The following ZNF407 variants were observed in gnomAD, a reference collection of about 807,000 sequenced individuals.
ZNF407 encodes zinc finger protein 407.
In ZNF407, 17 loss-of-function variants were observed where a neutral mutation model predicts 131.2. That is an observed-to-expected ratio of 0.13 (90% CI 0.09 to 0.19). The LOEUF is 0.19. ZNF407 is among the 10% of genes least tolerant of loss of function. The pLI, the probability that ZNF407 is intolerant of heterozygous loss-of-function variation, is 1.00. For synonymous variants in ZNF407, 1,156 were observed against 1,062.0 expected (o/e 1.09, Z -1.72); for missense variants, 2,681 against 2,830.6 (o/e 0.95, Z 1.20).
At position 74,634,222 on chromosome 18, in the gene ZNF407, A is replaced by C; in HGVS notation, c.3203A>C (p.Glu1068Ala). The change falls in exon 2 of 9, where the codon GAG becomes GCG. Residue 1068 changes from glutamate to alanine, a missense_variant. This residue lies in a region of ZNF407 where 1,789 missense variants were observed against 1,748.7 expected (regional missense o/e 1.02). Coordinates refer to ENST00000299687, the MANE Select transcript of ZNF407 (RefSeq NM_017757.3). ...RREMTRHAAT[E>A]KHKMKRQSYL... ...GAGATGACCAGGCATGCAGCAACAG[A>C]GAAGCACAAAATGAAAAGGCAGTCT... 6.2e-7 allele frequency: 1 copy of C among 1,614,060 alleles called. No individual in the cohort carries two copies. The highest frequency in any genetic ancestry group is 8.5e-7 in the Non-Finnish European group (1 of 1,179,898).
intron 4 of ZNF407, among the ~76,000 whole-genome samples, chr18:74,829,818 T>A (rs964628225): frequency 2.6e-5 from 4 of 152,124 alleles, no homozygotes; most frequent in Admixed American, 6.5e-5. Flanking sequence ...GAGCCTGTTT[T>A]TTTTTTTATT....
At chr18:74,833,775 G>C (rs962465012) in intron 4 of ZNF407, among the ~76,000 whole-genome samples, 3 of 152,210 alleles carry the variant, frequency 2.0e-5, no homozygotes, top group Non-Finnish European at 4.4e-5. Context: ...TGGTGGTGGA[G>C]ACAGAGCCGT....
intron 4 of ZNF407, among the ~76,000 whole-genome samples, chr18:74,801,885 A>G (rs907885367): frequency 1.6e-4 from 25 of 152,238 alleles, no homozygotes; most frequent in Non-Finnish European, 2.6e-4. Flanking sequence ...GTCCAAGTAC[A>G]TAGTTCCTTC....
Position 75,050,260 on chromosome 18 carries a change from A to G in ZNF407, c.5429-12890A>G, listed in dbSNP as rs1292394286. Among the ~76,000 whole-genome samples, 6 of 152,308 alleles carry G rather than the reference A, an allele frequency of 3.9e-5. No homozygotes were observed. In the South Asian group the frequency reaches 8.3e-4, roughly 21 times the overall value. On this transcript the variant is annotated intron_variant, in intron 8 of 8. Transcript: ENST00000299687. Reference sequence around the variant, plus strand: ...CTGTGTGTCAAGCACAATGCTAAGTATTGTACATAGGCTGTCTCATTTACT... The same window carrying G: ...CTGTGTGTCAAGCACAATGCTAAGTGTTGTACATAGGCTGTCTCATTTACT...
intron 8 of ZNF407, among the ~76,000 whole-genome samples, chr18:74,973,777 G>C (rs1972498713): frequency 6.6e-6 from 1 of 152,166 alleles, no homozygotes; most frequent in Admixed American, 6.5e-5. Flanking sequence ...AGGCGTCTCT[G>C]CTCCTGGTGG....
chr18:74,783,710 T>C (rs779427360), intron 4 of ZNF407, among the ~76,000 whole-genome samples: 4 of 152,212 alleles, frequency 2.6e-5, no homozygotes, highest in Non-Finnish European at 5.9e-5. Flanking sequence ...TTCTCAGATA[T>C]TGACACTGTT....
intron 4 of ZNF407, among the ~76,000 whole-genome samples, chr18:74,825,070 T>C (rs1236834629): frequency 6.6e-6 from 1 of 152,170 alleles, no homozygotes; most frequent in Non-Finnish European, 1.5e-5. Context: ...CACAAATCAA[T>C]AAATGTAATC....
At chr18:74,843,536 A>G (rs1414423835) in intron 4 of ZNF407, among the ~76,000 whole-genome samples, 9 of 152,240 alleles carry the variant, frequency 5.9e-5, no homozygotes, top group South Asian at 2.1e-4. Context: ...TAACAGCACA[A>G]TGAAAGAATT....
chr18:74,777,432 A>G (rs1258025593), intron 3 of ZNF407, among the ~76,000 whole-genome samples: 2 of 152,112 alleles, frequency 1.3e-5, no homozygotes, highest in Non-Finnish European at 2.9e-5. Context: ...TCTAGCATGG[A>G]TCTTGGCCTC....
chr18:74,954,643 G>A (rs1055822773), intron 8 of ZNF407, among the ~76,000 whole-genome samples: 1 of 151,902 alleles, frequency 6.6e-6, no homozygotes, highest in Non-Finnish European at 1.5e-5. Flanking sequence ...AGTTATATTG[G>A]ATTAGATGTC....
At chr18:74,626,556 C>T (rs1394757745) in intron 1 of ZNF407, among the ~76,000 whole-genome samples, 1 of 152,114 alleles carries the variant, frequency 6.6e-6, no homozygotes, top group African/African-American at 2.4e-5. Context: ...CACTACAGTT[C>T]CGTTCATTTG....
intron 4 of ZNF407, among the ~76,000 whole-genome samples, chr18:74,866,358 A>T (rs1167607976): frequency 2.6e-5 from 4 of 152,170 alleles, no homozygotes; most frequent in African/African-American, 9.7e-5. Flanking sequence ...CTTTCTAGCT[A>T]ATCTTACCTT....
chr18:74,905,009 A>G (rs1377934942), intron 7 of ZNF407, among the ~76,000 whole-genome samples: 1 of 152,178 alleles, frequency 6.6e-6, no homozygotes, highest in Non-Finnish European at 1.5e-5. Flanking sequence ...TGGGTTTTCA[A>G]CCTTTTCTAA....
intron 8 of ZNF407, among the ~76,000 whole-genome samples, chr18:75,051,979 T>C (rs1568312424): frequency 1.3e-5 from 2 of 152,202 alleles, no homozygotes; most frequent in Non-Finnish European, 2.9e-5. Context: ...ACTTAACTCA[T>C]GTCTGTCCTC....
chr18:75,026,548 T>C (rs1973173104), intron 8 of ZNF407, among the ~76,000 whole-genome samples: 1 of 152,232 alleles, frequency 6.6e-6, no homozygotes. Flanking sequence ...TAAACAATTC[T>C]GTAAATTTGG....
chr18:74,924,254 A>T (rs1435080432), intron 8 of ZNF407, among the ~76,000 whole-genome samples: 4 of 152,154 alleles, frequency 2.6e-5, no homozygotes. Flanking sequence ...CCCAATACTG[A>T]GACACAGTTG....
chr18:74,836,158 T>C (rs1306377844), intron 4 of ZNF407, among the ~76,000 whole-genome samples: 1 of 152,148 alleles, frequency 6.6e-6, no homozygotes, highest in Non-Finnish European at 1.5e-5. Context: ...TATTTAGTCA[T>C]GCACGTTTTT....
At chr18:74,949,104 C>G (rs1045640081) in intron 8 of ZNF407, among the ~76,000 whole-genome samples, 4 of 152,060 alleles carry the variant, frequency 2.6e-5, no homozygotes, top group African/African-American at 7.2e-5. Flanking sequence ...GCTAATAGGG[C>G]AAGAAAATTT....
chr18:74,970,125 A>G (rs1972455801), intron 8 of ZNF407, among the ~76,000 whole-genome samples: 1 of 152,130 alleles, frequency 6.6e-6, no homozygotes, highest in Admixed American at 6.5e-5. Context: ...GATCATGAGA[A>G]TTAGCACAGG....
Sources: gnomAD v4.1 joint callset for allele counts (sites outside exome capture counted in the v4.1 genomes callset) on GRCh38, gnomAD v4.1.1 for gene constraint, gnomAD v4.1.1 regional missense constraint, MANE v1.5 for transcripts, NCBI Gene and HGNC (gene_info 2026-07-23, HGNC 2026-07-21) for gene names.